The following PAPOLG variants were observed in gnomAD, a reference collection of about 807,000 sequenced individuals.
PAPOLG encodes the protein poly(A) polymerase gamma.
In PAPOLG, 40 loss-of-function variants were observed where a neutral mutation model predicts 99.0. That is an observed-to-expected ratio of 0.40 (90% CI 0.31 to 0.53). PAPOLG has a LOEUF of 0.53. Among genes scored for constraint, PAPOLG ranks in the 20% least tolerant of loss-of-function variants. The pLI, the probability that PAPOLG is intolerant of heterozygous loss-of-function variation, is 0.41. For synonymous variants in PAPOLG, 310 were observed against 299.3 expected, an observed-to-expected ratio of 1.04 and a Z score of -0.37; for missense variants, 675 against 884.1, an observed-to-expected ratio of 0.76 and a Z score of 3.00.
At position 60,771,636 on chromosome 2, in the gene PAPOLG, C is replaced by G; in HGVS notation, c.604+6C>G. ...GTGTATTCGCAGCTTAAATGGTAAG[C>G]TTCTAAAAAGAAATCTCAGATACCT... On this transcript the variant is annotated splice_donor_region_variant and intron_variant, in intron 7 of 21. Coordinates refer to ENST00000238714, the MANE Select transcript of PAPOLG (RefSeq NM_022894.4). 1.3e-6 allele frequency: 2 copies of G among 1,589,126 alleles called. No individual in the cohort carries two copies. Among genetic ancestry groups the G allele is most frequent in the Non-Finnish European group, 1.7e-6 (2 of 1,174,118 alleles).
chr2:60,788,365 AG>A (rs1671430736), intron 15 of PAPOLG, among the ~76,000 whole-genome samples: 1 of 152,134 alleles, frequency 6.6e-6, no homozygotes, highest in Non-Finnish European at 1.5e-5. Flanking sequence ...TCTGTCACCC[AG>A]GCCGGACTGC....
Position 60,794,697 on chromosome 2 carries a change from GT to G in PAPOLG, c.1990-10del. On this transcript the variant is annotated splice_polypyrimidine_tract_variant and intron_variant, in intron 19 of 21. Coordinates refer to ENST00000238714, the MANE Select transcript of PAPOLG (RefSeq NM_022894.4). ...GTACATAATAGCAATCTATTTCAAT[GT>G]TTATATTTTAGTTTATTCGACTTGA... The G allele has an allele frequency of 6.2e-7, 1 of 1,605,522 alleles. No individual in the cohort carries two copies.
intron 1 of PAPOLG, among the ~76,000 whole-genome samples, chr2:60,757,943 C>G (rs1050068270): frequency 3.3e-5 from 5 of 152,092 alleles, no homozygotes; most frequent in Non-Finnish European, 5.9e-5. Flanking sequence ...AAGTGAGGCC[C>G]GTCATCATGG....
chr2:60,786,474 G>T (rs1671365225), intron 13 of PAPOLG, among the ~76,000 whole-genome samples: 1 of 151,616 alleles, frequency 6.6e-6, no homozygotes, highest in African/African-American at 2.4e-5. Flanking sequence ...CAGGTGATCT[G>T]TGCACCTCAG....
chr2:60,775,857 G>A (rs1558693361), intron 8 of PAPOLG, among the ~76,000 whole-genome samples: 1 of 151,470 alleles, frequency 6.6e-6, no homozygotes, highest in Non-Finnish European at 1.5e-5. Context: ...TCTGCCTCCC[G>A]GGTTCAAGTG....
At position 60,797,282 on chromosome 2, in the gene PAPOLG, T is replaced by A; in HGVS notation, c.*122T>A. Reference sequence around the variant, plus strand: ...AAGGTGAAAGTGACAGCCTTCAGTCTAATAACCTTGAAGTGGTTTTTGAAC... The same window carrying A: ...AAGGTGAAAGTGACAGCCTTCAGTCAAATAACCTTGAAGTGGTTTTTGAAC... On this transcript the variant is annotated 3_prime_UTR_variant, in exon 22 of 22. Transcript: ENST00000238714. 7.9e-7 allele frequency: 1 copy of A among 1,263,460 alleles called. No homozygotes were observed. The highest frequency in any genetic ancestry group is 1.1e-6 in the Non-Finnish European group (1 of 898,488). The allele number at this position is 1,263,460 out of a possible 1,614,324, so 78.3% of individuals were successfully genotyped here. A position where few individuals can be genotyped will look rare whatever the true frequency, so the allele number is the denominator to read the frequency against.
chr2:60,788,176 C>A (rs1399189841), intron 15 of PAPOLG, among the ~76,000 whole-genome samples: 2 of 151,956 alleles, frequency 1.3e-5, no homozygotes, highest in Admixed American at 6.6e-5. Flanking sequence ...CATTTGCTTA[C>A]AAATGCATAG....
chr2:60,770,852 T>C (rs1223885964), intron 6 of PAPOLG, among the ~76,000 whole-genome samples: 3 of 152,152 alleles, frequency 2.0e-5, no homozygotes, highest in Non-Finnish European at 4.4e-5. Context: ...CTCAATCTCC[T>C]GACCTCGTGA....
At chr2:60,768,981 A>T (rs62149379) in intron 5 of PAPOLG, 91 bp downstream of exon 5, 146,298 of 951,452 alleles carry the variant, frequency 0.15, 13,002 homozygotes, top group Non-Finnish European at 0.17. Context: ...AATACCTTCT[A>T]AGTTACTATT....
At chr2:60,777,069 A>G (rs1446155274) in intron 8 of PAPOLG, among the ~76,000 whole-genome samples, 5 of 152,132 alleles carry the variant, frequency 3.3e-5, no homozygotes, top group South Asian at 4.1e-4. Context: ...CAGCCTTCAT[A>G]TGATTGAAGA....
chr2:60,793,182 A>C (rs1671593380), intron 17 of PAPOLG, among the ~76,000 whole-genome samples: 1 of 136,098 alleles, frequency 7.3e-6, no homozygotes, highest in African/African-American at 2.7e-5. Context: ...ACTCTAGCCT[A>C]GGTGACAGAA....
At position 60,783,500 on chromosome 2, in the gene PAPOLG, C is replaced by A. The variant is rs564494818; in HGVS notation, c.1166+291C>A. Among the ~76,000 whole-genome samples, 50 of 45,360 alleles carry A rather than the reference C, an allele frequency of 1.1e-3. No homozygotes were observed. In the East Asian group the frequency reaches 0.018, roughly 16 times the overall value. 29.8% of individuals were successfully genotyped at this position (45,360 alleles called of 152,430 possible). ...ACAGGCCTGAGCCACTTTACCCGGCCTTTTTTTTTTTTTTTTTTTTTTTTT... is the reference window on the plus strand; with the variant it reads ...ACAGGCCTGAGCCACTTTACCCGGCATTTTTTTTTTTTTTTTTTTTTTTTT... On this transcript the variant is annotated intron_variant, in intron 13 of 21. Transcript: ENST00000238714.
intron 11 of PAPOLG, 56 bp from the exon 12 acceptor site, chr2:60,782,630 C>G (rs954247859): frequency 1.8e-5 from 25 of 1,361,558 alleles, no homozygotes; most frequent in Admixed American, 3.4e-5. Context: ...AAGAGCTGGT[C>G]CCTTTTCAAA....
chr2:60,759,897 C>T (rs781070463), intron 1 of PAPOLG, among the ~76,000 whole-genome samples: 5 of 152,114 alleles, frequency 3.3e-5, no homozygotes, highest in Admixed American at 1.3e-4. Flanking sequence ...ACACATGCTG[C>T]GCTTGGCTTG....
intron 19 of PAPOLG, 85 bp from the exon 20 acceptor site, chr2:60,794,625 C>A: frequency 8.9e-7 from 1 of 1,126,166 alleles, no homozygotes; most frequent in Non-Finnish European, 1.3e-6. Flanking sequence ...ATAGTGTAAC[C>A]AATAACTAGT....
rs1671608811 is a variant in PAPOLG at position 60,793,633 on chromosome 2, T to C, written c.1686T>C (p.Ser562=). 6.2e-7 allele frequency: 1 copy of C among 1,613,802 alleles called. No individual in the cohort carries two copies. The highest frequency in any genetic ancestry group is 8.5e-7 in the Non-Finnish European group (1 of 1,179,752). The part of the protein sequence containing the change: ...SPSVGETERN[S]AEPAAVIVEK... Reference sequence around the variant, plus strand: ...AATTTAACACTTTCATTAGGAATAGTGCTGAGCCTGCTGCTGTAATTGTGG... The same window carrying C: ...AATTTAACACTTTCATTAGGAATAGCGCTGAGCCTGCTGCTGTAATTGTGG... Residue 562 remains serine (S), a synonymous_variant, in exon 18 of 22, where the codon AGT becomes AGC. Transcript: ENST00000238714.
At chr2:60,762,249 A>C (rs1278538286) in intron 3 of PAPOLG, among the ~76,000 whole-genome samples, 2 of 152,048 alleles carry the variant, frequency 1.3e-5, no homozygotes, top group Non-Finnish European at 1.5e-5. Flanking sequence ...TATGTTTCTC[A>C]TGTGGGATTC....
intron 13 of PAPOLG, among the ~76,000 whole-genome samples, chr2:60,786,622 A>G (rs113637751): frequency 6.6e-6 from 1 of 151,804 alleles, no homozygotes; most frequent in South Asian, 2.1e-4. Flanking sequence ...TCCACCTCCC[A>G]GTTTCACGTG....
chr2:60,766,837 A>C (rs545307350), intron 3 of PAPOLG, among the ~76,000 whole-genome samples: 2 of 152,274 alleles, frequency 1.3e-5, no homozygotes, highest in South Asian at 4.2e-4. Context: ...GGAAGATAAG[A>C]AGACAAGGCA....
Sources: gnomAD v4.1 joint callset for allele counts (sites outside exome capture counted in the v4.1 genomes callset) on GRCh38, gnomAD v4.1.1 for gene constraint, MANE v1.5 for transcripts, NCBI Gene and HGNC (gene_info 2026-07-23, HGNC 2026-07-21) for gene names.